Variants in SH3GL3 observed in about 807,000 individuals in gnomAD.
SH3GL3 encodes the protein SH3 domain containing GRB2 like 3, endophilin A3.
In SH3GL3, 33 loss-of-function variants were observed where a neutral mutation model predicts 47.7. The observed-to-expected ratio is 0.69, with a 90% confidence interval of 0.52 to 0.92. SH3GL3 has a LOEUF of 0.92. Ranked by LOEUF, SH3GL3 falls within the 40% of genes least tolerant of loss-of-function variation. The probability of loss-of-function intolerance (pLI) is 0.00; values close to 1 mark genes in which losing one functional copy is unlikely to be tolerated. For missense variants in SH3GL3, 363 were observed against 417.8 expected, an observed-to-expected ratio of 0.87 and a Z score of 1.14; for synonymous variants, 155 against 148.8, an observed-to-expected ratio of 1.04 and a Z score of -0.30.
intron 1 of SH3GL3, among the ~76,000 whole-genome samples, chr15:83,502,970 G>A (rs11638612): frequency 0.16 from 23,975 of 152,074 alleles, 2,491 homozygotes; most frequent in South Asian, 0.38. Context: ...TCCTTTAGGA[G>A]CAATGGTTCA....
downstream of SH3GL3, among the ~76,000 whole-genome samples, chr15:83,620,577 C>T (rs141259985): frequency 4.8e-4 from 73 of 152,306 alleles, no homozygotes; most frequent in African/African-American, 1.5e-3. Context: ...TTTCTCTGAA[C>T]GGTAGATCTC....
intron 2 of SH3GL3, among the ~76,000 whole-genome samples, chr15:83,561,215 A>G (rs774558391): frequency 1.3e-5 from 2 of 152,190 alleles, no homozygotes; most frequent in Admixed American, 6.5e-5. Context: ...AAATATGGTT[A>G]TCAATTATGT....
At chr15:83,619,777 T>C (rs1437109056), downstream of SH3GL3, among the ~76,000 whole-genome samples, 1 of 152,174 alleles carries the variant, frequency 6.6e-6, no homozygotes, top group Non-Finnish European at 1.5e-5. Flanking sequence ...TTGCTGAAGG[T>C]TGGGGTGTCT....
intron 1 of SH3GL3, among the ~76,000 whole-genome samples, chr15:83,546,093 C>T (rs766492398): frequency 6.6e-6 from 1 of 152,104 alleles, no homozygotes; most frequent in African/African-American, 2.4e-5. Flanking sequence ...TGATTCCTGC[C>T]AGAAATGGAT....
intron 8 of SH3GL3, among the ~76,000 whole-genome samples, chr15:83,617,269 G>T (rs2562785): frequency 0.12 from 18,089 of 152,032 alleles, 1,452 homozygotes; most frequent in Admixed American, 0.24. Context: ...CTCTCCTCCC[G>T]GCCCTTGTCC....
intron 1 of SH3GL3, among the ~76,000 whole-genome samples, chr15:83,469,140 T>C (rs866128428): frequency 6.6e-6 from 1 of 152,148 alleles, no homozygotes; most frequent in Non-Finnish European, 1.5e-5. Flanking sequence ...TATTCCCTTA[T>C]TATTGTTTTG....
chr15:83,473,333 G>A (rs1486508815), intron 1 of SH3GL3, among the ~76,000 whole-genome samples: 2 of 152,204 alleles, frequency 1.3e-5, no homozygotes, highest in East Asian at 1.9e-4. Flanking sequence ...CCTCATTTCA[G>A]CCTGGCAAGG....
rs549779747 is a variant in SH3GL3 at position 83,501,869 on chromosome 15, C to T, written c.45+54291C>T. On this transcript the variant is annotated intron_variant, in intron 1 of 8. Coordinates refer to ENST00000427482, the MANE Select transcript of SH3GL3 (RefSeq NM_003027.5). ...TCATGCCACCGCACTCCAGCCTGGG[C>T]GACAGAGTGAGATTCCGTCTCAAAA... is the stretch of plus-strand genomic sequence containing the variant. 4.0e-4 allele frequency among the ~76,000 whole-genome samples: 60 copies of T among 151,784 alleles called. 1 individual carries two copies. Among genetic ancestry groups the T allele is most frequent in the Non-Finnish European group, 5.0e-4 (34 of 67,964 alleles).
intron 1 of SH3GL3, among the ~76,000 whole-genome samples, chr15:83,449,344 T>C (rs2151483123): frequency 6.6e-6 from 1 of 152,296 alleles, no homozygotes. Flanking sequence ...TGGAGTGTCC[T>C]CAGCTGGTAC....
chr15:83,470,200 C>T (rs1269381131), intron 1 of SH3GL3, among the ~76,000 whole-genome samples: 1 of 152,020 alleles, frequency 6.6e-6, no homozygotes, highest in Non-Finnish European at 1.5e-5. Flanking sequence ...TTTCAACCTG[C>T]CTATATTGCT....
intron 8 of SH3GL3, among the ~76,000 whole-genome samples, chr15:83,615,489 A>G (rs2060788717): frequency 6.6e-6 from 1 of 151,944 alleles, no homozygotes; most frequent in South Asian, 2.1e-4. Flanking sequence ...TAACTTTTGT[A>G]TTTTTAGAGA....
At chr15:83,602,460 C>G (rs2060411136) in intron 8 of SH3GL3, among the ~76,000 whole-genome samples, 1 of 152,134 alleles carries the variant, frequency 6.6e-6, no homozygotes, top group Admixed American at 6.5e-5. Context: ...TAGCTGTGTC[C>G]TCACATGGCA....
chr15:83,518,665 A>C (rs2043089040), intron 1 of SH3GL3, among the ~76,000 whole-genome samples: 1 of 152,132 alleles, frequency 6.6e-6, no homozygotes, highest in Non-Finnish European at 1.5e-5. Context: ...ATAGTTTGCA[A>C]ATATTTTCTC....
intron 8 of SH3GL3, among the ~76,000 whole-genome samples, chr15:83,612,395 C>T (rs576919194): frequency 6.6e-6 from 1 of 152,346 alleles, no homozygotes; most frequent in South Asian, 2.1e-4. Context: ...CTCTGGGTTG[C>T]TGAATCTCTG....
intron 4 of SH3GL3, among the ~76,000 whole-genome samples, chr15:83,572,247 C>T (rs917901720): frequency 1.1e-4 from 17 of 152,212 alleles, no homozygotes; most frequent in Admixed American, 4.6e-4. Context: ...AGGAACCCTC[C>T]GTGCCAGTTT....
intron 1 of SH3GL3, among the ~76,000 whole-genome samples, chr15:83,478,516 T>C (rs1364087373): frequency 6.6e-6 from 1 of 152,224 alleles, no homozygotes; most frequent in East Asian, 1.9e-4. Flanking sequence ...TTTGGCTCAA[T>C]TCTAACTTGT....
chr15:83,558,820 A>C (rs2045097992), intron 1 of SH3GL3, among the ~76,000 whole-genome samples: 1 of 152,210 alleles, frequency 6.6e-6, no homozygotes, highest in Non-Finnish European at 1.5e-5. Context: ...GTGGGCTCTC[A>C]AAGTCCATTC....
intron 1 of SH3GL3, among the ~76,000 whole-genome samples, chr15:83,538,200 A>T (rs2201102): frequency 0.3 from 45,819 of 151,966 alleles, 7,478 homozygotes; most frequent in East Asian, 0.69. Context: ...CCAGATGCGG[A>T]TTGTCAGACA....
chr15:83,537,231 A>G (rs1202311426), intron 1 of SH3GL3, among the ~76,000 whole-genome samples: 1 of 151,928 alleles, frequency 6.6e-6, no homozygotes, highest in African/African-American at 2.4e-5. Context: ...GTTGGGAAAG[A>G]TCTCTAGCTT....
Sources: gnomAD v4.1 joint callset for allele counts (sites outside exome capture counted in the v4.1 genomes callset) on GRCh38, gnomAD v4.1.1 for gene constraint, MANE v1.5 for transcripts, NCBI Gene and HGNC (gene_info 2026-07-23, HGNC 2026-07-21) for gene names.